ADCY3: variants seen among roughly 807,000 people sequenced by gnomAD.
ADCY3 encodes adenylate cyclase type 3.
In ADCY3, 70 loss-of-function variants were observed where a neutral mutation model predicts 119.4. That is an observed-to-expected ratio of 0.59 (90% CI 0.48 to 0.72). The LOEUF is 0.72. Among genes scored for constraint, ADCY3 ranks in the 30% least tolerant of loss-of-function variants. The probability of loss-of-function intolerance (pLI) is 0.00; values close to 1 mark genes in which losing one functional copy is unlikely to be tolerated. For synonymous variants in ADCY3, 672 were observed against 621.4 expected (o/e 1.08, Z -1.21); for missense variants, 1,238 against 1,541.6 (o/e 0.80, Z 3.30).
At chr2:24,861,250 CAA>C (rs67641689) in intron 3 of ADCY3, among the ~76,000 whole-genome samples, 43,312 of 113,754 alleles carry the variant, frequency 0.38, 7,072 homozygotes, top group African/African-American at 0.49. Flanking sequence ...GACTCCATCT[CAA>C]AAAAAAAAAA....
chr2:24,918,191 G>T lies in ADCY3; in HGVS notation c.675+122C>A. Reference sequence around the variant, plus strand: ...GCAGGGACTAGGGAGAGAGGTGAGAGCCCCGGAGGCCCCCAGGACACATTT... The same window carrying T: ...GCAGGGACTAGGGAGAGAGGTGAGATCCCCGGAGGCCCCCAGGACACATTT... On this transcript the variant is annotated intron_variant, in intron 2 of 21. Transcript: ENST00000679454. The surrounding 1 kb of genome is among the most constrained non-coding windows in gnomAD (Gnocchi z 5.4). The T allele has an allele frequency of 9.2e-7, 1 of 1,087,100 alleles. No individual in the cohort carries two copies. The highest frequency in any genetic ancestry group is 1.3e-6 in the Non-Finnish European group (1 of 759,484). The allele number at this position is 1,087,100 out of a possible 1,614,324, so 67.3% of individuals were successfully genotyped here.
At chr2:24,821,460 C>T in intron 20 of ADCY3, 57 bp downstream of exon 20, 1 of 1,599,074 alleles carries the variant, frequency 6.3e-7, no homozygotes, top group Non-Finnish European at 8.5e-7. Flanking sequence ...GGTGGTGGGC[C>T]AGGCCCCTGC....
intron 3 of ADCY3, among the ~76,000 whole-genome samples, chr2:24,849,687 C>A (rs569868336): frequency 1.3e-5 from 2 of 152,148 alleles, no homozygotes; most frequent in Non-Finnish European, 2.9e-5. Context: ...GGTAACAAGA[C>A]GAGTTTTAAA....
chr2:24,854,796 T>A (rs1672808936), intron 3 of ADCY3, among the ~76,000 whole-genome samples: 1 of 152,086 alleles, frequency 6.6e-6, no homozygotes, highest in Admixed American at 6.5e-5. Context: ...ACGCCTGTAA[T>A]CCCAGCACTT....
chr2:24,913,878 T>G (rs915498988), intron 2 of ADCY3, among the ~76,000 whole-genome samples: 4 of 152,196 alleles, frequency 2.6e-5, no homozygotes, highest in Non-Finnish European at 4.4e-5. Context: ...CAAATAGCCT[T>G]TCTGCTCTGA....
At chr2:24,853,143 G>A (rs571232539) in intron 3 of ADCY3, among the ~76,000 whole-genome samples, 89 of 152,022 alleles carry the variant, frequency 5.9e-4, no homozygotes, top group African/African-American at 2.1e-3. Context: ...CAAACTAGGA[G>A]GCAAAACCTG....
Position 24,918,806 on chromosome 2 carries a change from G to A in ADCY3, c.182C>T (p.Ser61Phe). 2 of 1,613,846 alleles carry A rather than the reference G, an allele frequency of 1.2e-6. No homozygotes were observed. Among genetic ancestry groups the A allele is most frequent in the Non-Finnish European group, 1.7e-6 (2 of 1,180,034 alleles). ...RFMRLTFVPE[S>F]LENLYQTYFK... ...GTAGGTCTGGTAGAGGTTCTCCAAGGACTCCGGCACGAAAGTCAGCCGCAT... is the reference window on the plus strand; with the variant it reads ...GTAGGTCTGGTAGAGGTTCTCCAAGAACTCCGGCACGAAAGTCAGCCGCAT... The change falls in exon 2 of 22, where the codon TCC becomes TTC. Residue 61 changes from serine to phenylalanine, a missense_variant. Physicochemically the swap from Ser to Phe is radical, Grantham distance 155. Around this residue, in one of 7 missense-constraint regions of ADCY3, gnomAD observed 227 missense variants for 249.3 expected, o/e 0.91. Coordinates refer to ENST00000679454, the MANE Select transcript of ADCY3 (RefSeq NM_004036.5). The surrounding 1 kb of genome is among the most constrained non-coding windows in gnomAD (Gnocchi z 5.4).
rs368421915 is a variant in ADCY3 at position 24,918,765 on chromosome 2, G to A, written c.223C>T (p.His75Tyr). 4 of 1,614,044 alleles carry A rather than the reference G, an allele frequency of 2.5e-6. No homozygotes were observed. The highest frequency in any genetic ancestry group is 1.3e-5 in the African/African-American group (1 of 75,040). The part of the protein sequence containing the change: ...LYQTYFKRQR[H>Y]ETLLVLVVFA... ...ACCACCAGCACCAGCAGGGTCTCGT[G>A]GCGCTGCCTTTTGAAGTAGGTCTGG... The change falls in exon 2 of 22, where the codon CAC (histidine) becomes TAC (tyrosine). Residue 75 changes from histidine to tyrosine, a missense_variant. This residue lies in a region of ADCY3 where 227 missense variants were observed against 249.3 expected (regional missense o/e 0.91). Coordinates refer to ENST00000679454, the MANE Select transcript of ADCY3 (RefSeq NM_004036.5). The surrounding 1 kb of genome is among the most constrained non-coding windows in gnomAD (Gnocchi z 5.4).
chr2:24,823,310 A>C lies in ADCY3; in HGVS notation c.2782T>G (p.Ser928Ala). The C allele has an allele frequency of 6.2e-7, 1 of 1,613,702 alleles. No individual in the cohort carries two copies. Among genetic ancestry groups the C allele is most frequent in the East Asian group, 2.2e-5 (1 of 44,868 alleles). The change falls in exon 18 of 22, where the codon TCC becomes GCC. Residue 928 changes from serine (S) to alanine (A), a missense_variant. Around this residue, in one of 7 missense-constraint regions of ADCY3, gnomAD observed 499 missense variants for 571.0 expected, o/e 0.87. Coordinates refer to ENST00000679454, the MANE Select transcript of ADCY3 (RefSeq NM_004036.5). ...TAGAAGTCAGCAAAGTTGGGCAGGGAGGCAAACATGACTCCAATCTCATCA... is the reference window on the plus strand; with the variant it reads ...TAGAAGTCAGCAAAGTTGGGCAGGGCGGCAAACATGACTCCAATCTCATCA... The part of the protein sequence containing the change: ...TYDEIGVMFA[S>A]LPNFADFYTE...
intron 3 of ADCY3, among the ~76,000 whole-genome samples, chr2:24,867,561 A>G (rs1674450246): frequency 6.6e-6 from 1 of 152,190 alleles, no homozygotes; most frequent in Admixed American, 6.6e-5. Flanking sequence ...TTTATAAATT[A>G]CCCAGTTTCA....
At chr2:24,863,250 G>A (rs1673897981) in intron 3 of ADCY3, among the ~76,000 whole-genome samples, 3 of 152,120 alleles carry the variant, frequency 2.0e-5, no homozygotes, top group Admixed American at 2.0e-4. Flanking sequence ...CCTAAATCTG[G>A]GTGGGCACAA....
At position 24,870,157 on chromosome 2, in the gene ADCY3, T is replaced by TAA. The variant is rs35100474; in HGVS notation, c.825+2411_825+2412dup. On this transcript the variant is annotated intron_variant, in intron 3 of 21. Coordinates refer to ENST00000679454, the MANE Select transcript of ADCY3 (RefSeq NM_004036.5). ...TGAAACCCCGTCTCCACTAAAAATA[T>TAA]AAAAAAAAAAAAAATTAGCCAGGTG... Among the ~76,000 whole-genome samples, 45 of 140,998 alleles carry TAA rather than the reference T, an allele frequency of 3.2e-4. 1 individual carries two copies. Among genetic ancestry groups the TAA allele is most frequent in the East Asian group, 1.0e-3 (5 of 4,802 alleles). The allele number at this position is 140,998 out of a possible 152,430, so 92.5% of individuals were successfully genotyped here.
chr2:24,882,511 T>G (rs905453941), intron 2 of ADCY3, among the ~76,000 whole-genome samples: 1 of 152,258 alleles, frequency 6.6e-6, no homozygotes, highest in African/African-American at 2.4e-5. Context: ...CACAAACATC[T>G]GCTCACAGCA....
Position 24,834,417 on chromosome 2 carries a change from G to GCCCCC in ADCY3, c.1967+63_1967+67dup. Reference sequence around the variant, plus strand: ...ATGTCAGGCTCCCGCTGAGACACCTGCCCCCGCCCCCCGCCCGGCACCACC... The same window carrying GCCCCC: ...ATGTCAGGCTCCCGCTGAGACACCTGCCCCCCCCCCGCCCCCCGCCCGGCACCACC... On this transcript the variant is annotated intron_variant, in intron 11 of 21. Coordinates refer to ENST00000679454, the MANE Select transcript of ADCY3 (RefSeq NM_004036.5). The surrounding 1 kb of genome is among the most constrained non-coding windows in gnomAD (Gnocchi z 4.2). The GCCCCC allele has an allele frequency of 5.7e-6, 8 of 1,395,350 alleles. No individual in the cohort carries two copies. Among genetic ancestry groups the GCCCCC allele is most frequent in the South Asian group, 3.8e-5 (3 of 78,696 alleles). 86.4% of individuals were successfully genotyped at this position (1,395,350 alleles called of 1,614,324 possible).
Position 24,857,794 on chromosome 2 carries a change from A to G in ADCY3, c.825+14776T>C, listed in dbSNP as rs550267212. ...CCACCCTGGGCATAAAGGCCCAAGA[A>G]AATTATACCGACAAAATTTCCACCT... is the stretch of plus-strand genomic sequence containing the variant. On this transcript the variant is annotated intron_variant, in intron 3 of 21. Coordinates refer to ENST00000679454, the MANE Select transcript of ADCY3 (RefSeq NM_004036.5). 1.9e-4 allele frequency among the ~76,000 whole-genome samples: 29 copies of G among 152,194 alleles called. 1 individual carries two copies. In the South Asian group the frequency reaches 6.0e-3, roughly 32 times the overall value.
At position 24,820,854 on chromosome 2, in the gene ADCY3, G is replaced by C; in HGVS notation, c.3128-6C>G. Reference sequence around the variant, plus strand: ...AACCCCGCCTTTGTTCATGCCTAGGGTAGAGGCATAAAGTTCAGCACAGCC... The same window carrying C: ...AACCCCGCCTTTGTTCATGCCTAGGCTAGAGGCATAAAGTTCAGCACAGCC... On this transcript the variant is annotated splice_polypyrimidine_tract_variant and splice_region_variant and intron_variant, in intron 20 of 21. Transcript: ENST00000679454. 1 of 1,613,696 alleles carries C rather than the reference G, an allele frequency of 6.2e-7. No individual in the cohort carries two copies. The highest frequency in any genetic ancestry group is 1.1e-5 in the South Asian group (1 of 91,040).
chr2:24,863,089 G>C (rs1441175488), intron 3 of ADCY3, among the ~76,000 whole-genome samples: 1 of 152,130 alleles, frequency 6.6e-6, no homozygotes, highest in Non-Finnish European at 1.5e-5. Context: ...CCAAAAAAAA[G>C]GCTTGAAGGA....
intron 3 of ADCY3, among the ~76,000 whole-genome samples, chr2:24,845,127 C>G (rs1671517266): frequency 1.3e-5 from 2 of 152,322 alleles, no homozygotes; most frequent in Non-Finnish European, 2.9e-5. Flanking sequence ...TCTTCCCAGT[C>G]TCAGGTATGT....
chr2:24,823,975 A>G (rs4665274), intron 17 of ADCY3, among the ~76,000 whole-genome samples: 126,729 of 152,302 alleles, frequency 0.83, 53,841 homozygotes, highest in East Asian at 0.99. Flanking sequence ...GATTACAGGC[A>G]TGAGCCACTG....
Sources: allele counts gnomAD v4.1 joint callset (sites outside exome capture counted in the v4.1 genomes callset), GRCh38; gene constraint gnomAD v4.1.1; regional missense constraint gnomAD v4.1.1; non-coding constraint Gnocchi (gnomAD v3.1); transcripts MANE v1.5; gene names NCBI Gene and HGNC (gene_info 2026-07-23, HGNC 2026-07-21).